DYNC2H1: variants seen among roughly 807,000 people sequenced by gnomAD.
The protein encoded by DYNC2H1 is dynein cytoplasmic 2 heavy chain 1, also known as cytoplasmic dynein 2 heavy chain 1.
Under a neutral mutation model 570.0 loss-of-function variants are expected in DYNC2H1, and 410 were observed. The ratio of observed to expected loss-of-function variants is 0.72; its 90% CI spans 0.66 to 0.78. DYNC2H1 has a LOEUF of 0.78. Among genes scored for constraint, DYNC2H1 ranks in the 30% least tolerant of loss-of-function variants. The probability of loss-of-function intolerance (pLI) is 0.00; values close to 1 mark genes in which losing one functional copy is unlikely to be tolerated. For missense variants in DYNC2H1, 4,865 were observed against 5,046.4 expected, an observed-to-expected ratio of 0.96 and a Z score of 1.09; for synonymous variants, 1,688 against 1,677.6, an observed-to-expected ratio of 1.01 and a Z score of -0.15.
intron 14 of DYNC2H1, among the ~76,000 whole-genome samples, 194 bp from the exon 15 acceptor site, chr11:103,134,127 A>G (rs938454657): frequency 6.6e-6 from 1 of 152,140 alleles, no homozygotes; most frequent in Non-Finnish European, 1.5e-5. Flanking sequence ...GATTGGGGCT[A>G]TCTTATTTTG....
In DYNC2H1 at chr11:103,371,848, GGA is replaced by G. The variant is rs554795571; in HGVS notation, c.12156+13491_12156+13492del. ...TTTGTTTCTTCTCACAGTTTTTGGT[GGA>G]GTCTTTAGAGTTTTCTGTATATAAG... On this transcript the variant is annotated intron_variant, in intron 83 of 88. Coordinates refer to ENST00000375735, the MANE Select transcript of DYNC2H1 (RefSeq NM_001377.3). 3.3e-4 allele frequency among the ~76,000 whole-genome samples: 49 copies of G among 149,746 alleles called. 1 individual carries two copies. Among genetic ancestry groups the G allele is most frequent in the Admixed American group, 2.3e-3 (34 of 15,042 alleles).
At chr11:103,423,855 A>G (rs1362370970) in intron 84 of DYNC2H1, among the ~76,000 whole-genome samples, 1 of 152,082 alleles carries the variant, frequency 6.6e-6, no homozygotes, top group Non-Finnish European at 1.5e-5. Flanking sequence ...TGCAATGAGA[A>G]TATCAATATA....
chr11:103,310,953 C>T (rs1867561424), intron 78 of DYNC2H1, among the ~76,000 whole-genome samples: 1 of 151,952 alleles, frequency 6.6e-6, no homozygotes, highest in Non-Finnish European at 1.5e-5. Context: ...CCACACACCT[C>T]AGCTTCCCTA....
intron 4 of DYNC2H1, 24 bp downstream of exon 4, chr11:103,115,319 A>G (rs1858330888): frequency 6.8e-7 from 1 of 1,477,040 alleles, no homozygotes; most frequent in Non-Finnish European, 9.2e-7. Flanking sequence ...AAATGGTGAT[A>G]TATTGGGCTT....
chr11:103,454,637 A>C (rs1414407061), intron 85 of DYNC2H1, among the ~76,000 whole-genome samples: 3 of 152,186 alleles, frequency 2.0e-5, no homozygotes, highest in African/African-American at 7.2e-5. Context: ...TCTGTTCCAA[A>C]TGGCAATTTT....
chr11:103,258,265 T>G (rs1441817605), intron 69 of DYNC2H1, among the ~76,000 whole-genome samples: 1 of 152,224 alleles, frequency 6.6e-6, no homozygotes, highest in Non-Finnish European at 1.5e-5. Flanking sequence ...TATTAGTGTA[T>G]TATGGACAGC....
intron 83 of DYNC2H1, among the ~76,000 whole-genome samples, chr11:103,365,275 C>T (rs893371033): frequency 6.6e-6 from 1 of 151,778 alleles, no homozygotes; most frequent in African/African-American, 2.4e-5. Context: ...GCAGGAGAAG[C>T]ACTTGAACCC....
chr11:103,207,520 C>T (rs1460592041), intron 52 of DYNC2H1, among the ~76,000 whole-genome samples: 2 of 151,888 alleles, frequency 1.3e-5, no homozygotes, highest in Non-Finnish European at 2.9e-5. Context: ...TTGGGATACT[C>T]TTTTCTAATT....
intron 57 of DYNC2H1, among the ~76,000 whole-genome samples, chr11:103,221,635 C>T (rs1275382822): frequency 1.3e-5 from 2 of 152,104 alleles, no homozygotes; most frequent in African/African-American, 4.8e-5. Context: ...GAGGCCAAGG[C>T]ACTTTAGGCC....
intron 54 of DYNC2H1, among the ~76,000 whole-genome samples, chr11:103,214,967 A>G (rs150851904): frequency 0.012 from 1,753 of 152,028 alleles, 22 homozygotes; most frequent in South Asian, 0.027. Context: ...TTATTGATGT[A>G]TAGAAACATT....
chr11:103,357,486 T>C (rs932410139), intron 82 of DYNC2H1, among the ~76,000 whole-genome samples: 6 of 152,220 alleles, frequency 3.9e-5, no homozygotes, highest in Non-Finnish European at 7.3e-5. Context: ...TACCATTTTA[T>C]AGGGTTTATT....
At chr11:103,332,186 AG>A (rs144102382) in intron 82 of DYNC2H1, among the ~76,000 whole-genome samples, 4,664 of 152,186 alleles carry the variant, frequency 0.031, 230 homozygotes, top group African/African-American at 0.11. Context: ...TAAAAAGCAA[AG>A]TAACAGAGAT....
chr11:103,409,932 A>G (rs749816104), intron 84 of DYNC2H1, among the ~76,000 whole-genome samples: 1 of 152,086 alleles, frequency 6.6e-6, no homozygotes, highest in Non-Finnish European at 1.5e-5. Flanking sequence ...TACTATGTCT[A>G]TTGTGCCAGG....
At chr11:103,159,540 G>A (rs1450187369) in intron 28 of DYNC2H1, among the ~76,000 whole-genome samples, 1 of 152,098 alleles carries the variant, frequency 6.6e-6, no homozygotes, top group Non-Finnish European at 1.5e-5. Context: ...GTAAGCTATG[G>A]GAACAGGTGA....
rs568673110 is a variant in DYNC2H1, at chr11:103,319,973, T to G, written c.11726-1056T>G. On this transcript the variant is annotated intron_variant, in intron 80 of 88. Transcript: ENST00000375735. The surrounding 1 kb of genome is among the most constrained non-coding windows in gnomAD (Gnocchi z 4.3). Reference sequence around the variant, plus strand: ...TCCTGCAGGAGGCAACCTAAATCCCTTATGTTCCAAGGCATGTAGATAATC... The same window carrying G: ...TCCTGCAGGAGGCAACCTAAATCCCGTATGTTCCAAGGCATGTAGATAATC... Among the ~76,000 whole-genome samples, 168 of 152,312 alleles carry G rather than the reference T, an allele frequency of 1.1e-3. 1 individual carries two copies. The highest frequency in any genetic ancestry group is 3.8e-3 in the African/African-American group (158 of 41,568).
chr11:103,444,091 A>G (rs577403250), intron 85 of DYNC2H1, among the ~76,000 whole-genome samples: 1 of 151,848 alleles, frequency 6.6e-6, no homozygotes, highest in East Asian at 1.9e-4. Flanking sequence ...TTTTTGTATT[A>G]GTTAAATTTT....
intron 6 of DYNC2H1, 23 bp from the exon 7 acceptor site, chr11:103,120,424 G>C (rs1345219942): frequency 3.8e-6 from 6 of 1,559,408 alleles, no homozygotes; most frequent in Non-Finnish European, 5.2e-6. Context: ...AATAAATTCT[G>C]TTGTTTTAAT....
Position 103,256,478 on chromosome 11 carries a change from G to A in DYNC2H1, c.10461+238G>A, listed in dbSNP as rs933082390. ...CCCTGCTGCCTTCTACTGATTTCTGGCATAATGTTATCTAAGGTAGAGCTG... is the reference window on the plus strand; with the variant it reads ...CCCTGCTGCCTTCTACTGATTTCTGACATAATGTTATCTAAGGTAGAGCTG... On this transcript the variant is annotated intron_variant, in intron 68 of 88. Coordinates refer to ENST00000375735, the MANE Select transcript of DYNC2H1 (RefSeq NM_001377.3). The surrounding 1 kb of genome is among the most constrained non-coding windows in gnomAD (Gnocchi z 4.0). Among the ~76,000 whole-genome samples, 1 of 152,090 alleles carries A rather than the reference G, an allele frequency of 6.6e-6. No individual in the cohort carries two copies. The highest frequency in any genetic ancestry group is 2.4e-5 in the African/African-American group (1 of 41,424).
intron 30 of DYNC2H1, among the ~76,000 whole-genome samples, chr11:103,165,196 C>T (rs773128375): frequency 3.9e-5 from 6 of 152,118 alleles, no homozygotes; most frequent in Non-Finnish European, 7.4e-5. Flanking sequence ...GGTGCGATCT[C>T]AGCTCACTGC....
Sources: gnomAD v4.1 joint callset for allele counts (sites outside exome capture counted in the v4.1 genomes callset) on GRCh38, gnomAD v4.1.1 for gene constraint, Gnocchi (gnomAD v3.1) non-coding constraint, MANE v1.5 for transcripts, NCBI Gene and HGNC (gene_info 2026-07-23, HGNC 2026-07-21) for gene names.